The following PPIP5K2 variants were observed in gnomAD, a reference collection of about 807,000 sequenced individuals.
PPIP5K2 encodes the protein inositol hexakisphosphate and diphosphoinositol-pentakisphosphate kinase 2.
Under a neutral mutation model 154.6 loss-of-function variants are expected in PPIP5K2, and 105 were observed. The observed-to-expected ratio is 0.68, with a 90% CI of 0.58 to 0.80. The LOEUF is 0.80. PPIP5K2 is among the 30% of genes least tolerant of loss of function. The pLI, the probability that PPIP5K2 is intolerant of heterozygous loss-of-function variation, is 0.00. For missense variants in PPIP5K2, 992 were observed against 1,504.6 expected, an observed-to-expected ratio of 0.66 and a Z score of 5.64; for synonymous variants, 480 against 490.3, an observed-to-expected ratio of 0.98 and a Z score of 0.28.
chr5:103,173,672 T>C (rs1419286216), intron 20 of PPIP5K2, among the ~76,000 whole-genome samples, 186 bp from the exon 21 acceptor site: 1 of 152,040 alleles, frequency 6.6e-6, no homozygotes, highest in Non-Finnish European at 1.5e-5. Context: ...CCTAGTTAGT[T>C]ATAGTTTGTG....
At chr5:103,188,010 A>G (rs116521239) in intron 28 of PPIP5K2, among the ~76,000 whole-genome samples, 204 of 152,266 alleles carry the variant, frequency 1.3e-3, no homozygotes, top group African/African-American at 4.7e-3. Context: ...TCCTTTTAGT[A>G]CCACTGCTTT....
Position 103,177,930 on chromosome 5 carries a change from G to A in PPIP5K2, c.2704G>A (p.Glu902Lys). The change falls in exon 23 of 31, where the codon GAA becomes AAA. Residue 902 changes from glutamate to lysine, a missense_variant. Glu to Lys is a moderately conservative substitution (Grantham distance 56, BLOSUM62 1). Around this residue, in one of 9 missense-constraint regions of PPIP5K2, gnomAD observed 157 missense variants for 281.2 expected, o/e 0.56. Coordinates refer to ENST00000358359, the MANE Select transcript of PPIP5K2 (RefSeq NM_001276277.3). ...TAGTCCGGGAGCCAAAGGTTGTGAA[G>A]AAGACAAAAATTTGCCATCTGGCTA... ...HFSPGAKGCE[E>K]DKNLPSGYGY... 2 of 1,613,270 alleles carry A rather than the reference G, an allele frequency of 1.2e-6. No homozygotes were observed. Among genetic ancestry groups the A allele is most frequent in the Non-Finnish European group, 1.7e-6 (2 of 1,179,382 alleles).
At chr5:103,150,802 T>G (rs570039621) in intron 8 of PPIP5K2, among the ~76,000 whole-genome samples, 15 of 147,344 alleles carry the variant, frequency 1.0e-4, no homozygotes, top group Non-Finnish European at 2.1e-4. Context: ...CAAGATTTCC[T>G]CTGGAATATG....
Position 103,173,212 on chromosome 5 carries a change from C to T in PPIP5K2, c.2344C>T (p.Leu782=). 1 of 1,611,638 alleles carries T rather than the reference C, an allele frequency of 6.2e-7. No homozygotes were observed. Among genetic ancestry groups the T allele is most frequent in the East Asian group, 2.2e-5 (1 of 44,796 alleles). ...LEIAKGYCTP[L]VRKIRSDLQR... is the part of the protein sequence containing the mutation. ...GATTGCCAAAGGCTACTGTACTCCT[C>T]TGGTTAGAAAAATTCGCTCAGACCT... The change falls in exon 20 of 31, where the codon CTG becomes TTG. Residue 782 remains leucine (L), a synonymous_variant. Coordinates refer to ENST00000358359, the MANE Select transcript of PPIP5K2 (RefSeq NM_001276277.3).
chr5:103,137,451 C>T (rs1346748716), intron 4 of PPIP5K2, among the ~76,000 whole-genome samples: 1 of 152,046 alleles, frequency 6.6e-6, no homozygotes. Context: ...TGTGAGCCAC[C>T]GCACCCGGCC....
chr5:103,150,422 G>T (rs1194194038), intron 8 of PPIP5K2, among the ~76,000 whole-genome samples: 1 of 152,104 alleles, frequency 6.6e-6, no homozygotes, highest in African/African-American at 2.4e-5. Context: ...TCTTCACCCA[G>T]ATAAAGTAAA....
intron 5 of PPIP5K2, among the ~76,000 whole-genome samples, chr5:103,144,622 T>C (rs538452467): frequency 4.6e-5 from 7 of 152,172 alleles, no homozygotes; most frequent in African/African-American, 1.7e-4. Context: ...ATATACACAT[T>C]TGCAGTTAAC....
chr5:103,147,863 G>A, intron 6 of PPIP5K2, 68 bp from the exon 7 acceptor site: 1 of 902,354 alleles, frequency 1.1e-6, no homozygotes, highest in Non-Finnish European at 1.7e-6. Context: ...TAAACTATTT[G>A]TCATTTTATC....
chr5:103,168,751 A>G (rs1481426537), intron 19 of PPIP5K2, among the ~76,000 whole-genome samples: 1 of 151,890 alleles, frequency 6.6e-6, no homozygotes, highest in African/African-American at 2.4e-5. Flanking sequence ...CAAATTTATA[A>G]TGACATGTAT....
At position 103,195,034 on chromosome 5, in the gene PPIP5K2, T is replaced by C; in HGVS notation, c.3619+9T>C. ...AGCAAGCAGCAAACCAGGTAAGGGG[T>C]GTGTGTGTTGAGTTTGTGGATTTGC... On this transcript the variant is annotated intron_variant, in intron 30 of 30. Transcript: ENST00000358359. 1 of 1,603,694 alleles carries C rather than the reference T, an allele frequency of 6.2e-7. No homozygotes were observed. Among genetic ancestry groups the C allele is most frequent in the East Asian group, 2.2e-5 (1 of 44,782 alleles).
At position 103,159,160 on chromosome 5, in the gene PPIP5K2, G is replaced by T; in HGVS notation, c.1752G>T (p.Leu584Phe). ...AAAFAKGLLA[L>F]EGELTPILVQ... is the part of the protein sequence containing the mutation. ...AATATGCTTAGGGGCTTTTAGCTTT[G>T]GAAGGAGAGCTTACACCCATTCTTG... The change falls in exon 17 of 31, where the codon TTG (leucine) becomes TTT (phenylalanine). Residue 584 changes from leucine (L) to phenylalanine (F), a missense_variant. Transcript: ENST00000358359. The T allele has an allele frequency of 6.3e-7, 1 of 1,579,822 alleles. No homozygotes were observed. Among genetic ancestry groups the T allele is most frequent in the Non-Finnish European group, 8.6e-7 (1 of 1,163,306 alleles).
intron 30 of PPIP5K2, among the ~76,000 whole-genome samples, chr5:103,195,736 T>C (rs1411559323): frequency 4.6e-5 from 7 of 152,206 alleles, no homozygotes; most frequent in African/African-American, 1.7e-4. Flanking sequence ...ACTCATGATA[T>C]TCATTTTTCT....
chr5:103,168,283 T>C lies in PPIP5K2; in HGVS notation c.2274T>C (p.Ile758=), dbSNP rs1240699258. ...LYRLSKALAD[I]VIPQEYGITK... Reference sequence around the variant, plus strand: ...GGCTTTCGAAGGCATTAGCAGATATTGTTATCCCTCAGGTAAGTCATTCTT... The same window carrying C: ...GGCTTTCGAAGGCATTAGCAGATATCGTTATCCCTCAGGTAAGTCATTCTT... The change falls in exon 19 of 31, where the codon ATT becomes ATC. Residue 758 remains isoleucine, a synonymous_variant. Coordinates refer to ENST00000358359, the MANE Select transcript of PPIP5K2 (RefSeq NM_001276277.3). The C allele has an allele frequency of 3.8e-6, 6 of 1,595,480 alleles. No homozygotes were observed. The highest frequency in any genetic ancestry group is 5.1e-6 in the Non-Finnish European group (6 of 1,166,352).
chr5:103,141,015 C>T (rs954701523), intron 5 of PPIP5K2, among the ~76,000 whole-genome samples: 4 of 151,932 alleles, frequency 2.6e-5, no homozygotes, highest in Non-Finnish European at 1.5e-5. Flanking sequence ...GTTCATCAAT[C>T]TGATAGAAAA....
intron 19 of PPIP5K2, among the ~76,000 whole-genome samples, chr5:103,169,037 T>C (rs1454763943): frequency 6.6e-6 from 1 of 151,878 alleles, no homozygotes; most frequent in African/African-American, 2.4e-5. Flanking sequence ...TTGAAAATAA[T>C]GTTTAGAGGT....
chr5:103,168,314 T>G lies in PPIP5K2; in HGVS notation c.2286+19T>G. Reference sequence around the variant, plus strand: ...CCCTCAGGTAAGTCATTCTTAAGAATCAATTTCTTATAATATTGAAAAAAT... The same window carrying G: ...CCCTCAGGTAAGTCATTCTTAAGAAGCAATTTCTTATAATATTGAAAAAAT... On this transcript the variant is annotated intron_variant, in intron 19 of 30. Coordinates refer to ENST00000358359, the MANE Select transcript of PPIP5K2 (RefSeq NM_001276277.3). 6.6e-7 allele frequency: 1 copy of G among 1,520,892 alleles called. No individual in the cohort carries two copies. Among genetic ancestry groups the G allele is most frequent in the South Asian group, 1.2e-5 (1 of 85,646 alleles). The allele number at this position is 1,520,892 out of a possible 1,614,324, so 94.2% of individuals were successfully genotyped here. A position where few individuals can be genotyped will look rare whatever the true frequency, so the allele number is the denominator to read the frequency against.
At chr5:103,187,401 G>T (rs978088161) in intron 28 of PPIP5K2, 25 bp downstream of exon 28, 4 of 1,478,908 alleles carry the variant, frequency 2.7e-6, no homozygotes, top group Non-Finnish European at 3.7e-6. Context: ...TATTTTAAAA[G>T]ATACTCCCCT....
intron 30 of PPIP5K2, among the ~76,000 whole-genome samples, chr5:103,200,739 A>C (rs1446143895): frequency 6.6e-6 from 1 of 151,876 alleles, no homozygotes; most frequent in Non-Finnish European, 1.5e-5. Context: ...AGGCTCAAGC[A>C]ATCTTCCTAC....
chr5:103,199,004 G>C (rs140683665), intron 30 of PPIP5K2, among the ~76,000 whole-genome samples: 1,594 of 151,432 alleles, frequency 0.011, 24 homozygotes, highest in African/African-American at 0.037. Flanking sequence ...CATCTACTTA[G>C]GGTTAATTTT....
Sources: gnomAD v4.1 joint callset for allele counts (sites outside exome capture counted in the v4.1 genomes callset) on GRCh38, gnomAD v4.1.1 for gene constraint, gnomAD v4.1.1 regional missense constraint, MANE v1.5 for transcripts, NCBI Gene and HGNC (gene_info 2026-07-23, HGNC 2026-07-21) for gene names.